FHOD3: variants seen among roughly 807,000 people sequenced by gnomAD.
The protein encoded by FHOD3 is FH1/FH2 domain-containing protein 3.
In FHOD3, 90 loss-of-function variants were observed where a neutral mutation model predicts 173.0. The ratio of observed to expected loss-of-function variants is 0.52; its 90% CI spans 0.44 to 0.62. The LOEUF is 0.62. Ranked by LOEUF, FHOD3 falls within the 20% of genes least tolerant of loss-of-function variation. The probability of loss-of-function intolerance (pLI) is 0.00; values close to 1 mark genes in which losing one functional copy is unlikely to be tolerated. For missense variants in FHOD3, 1,945 were observed against 2,034.7 expected (o/e 0.96, Z 0.85); for synonymous variants, 828 against 823.0 (o/e 1.01, Z -0.10).
intron 14 of FHOD3, among the ~76,000 whole-genome samples, chr18:36,672,293 G>A (rs919174214): frequency 2.0e-5 from 3 of 152,154 alleles, no homozygotes; most frequent in African/African-American, 7.2e-5. Context: ...CCAAAACATG[G>A]TGGTTTAAAA....
chr18:36,550,008 T>A (rs2147306705), intron 5 of FHOD3, among the ~76,000 whole-genome samples: 1 of 151,970 alleles, frequency 6.6e-6, no homozygotes, highest in Non-Finnish European at 1.5e-5. Flanking sequence ...TGTCGTTCAT[T>A]TTTGTTGGCC....
chr18:36,625,729 A>C lies in FHOD3; in HGVS notation c.1176A>C (p.Gln392His), dbSNP rs943103824. Reference sequence around the variant, plus strand: ...CAGCTCCCAGCTTCAAGCCCAACCAAGTGCGAGATCTGCGTGAAAAGTAAG... The same window carrying C: ...CAGCTCCCAGCTTCAAGCCCAACCACGTGCGAGATCTGCGTGAAAAGTAAG... The part of the protein sequence containing the change: ...SQSAPSFKPN[Q>H]VRDLREKEEE... The change falls in exon 10 of 29, where the codon CAA becomes CAC. Residue 392 changes from glutamine to histidine, a missense_variant. Gln to His is a conservative substitution (Grantham distance 24). Around this residue, in one of 5 missense-constraint regions of FHOD3, gnomAD observed 1,099 missense variants for 1,051.2 expected, o/e 1.05. Transcript: ENST00000590592. The C allele has an allele frequency of 1.2e-6, 2 of 1,609,060 alleles. No homozygotes were observed. The highest frequency in any genetic ancestry group is 1.3e-5 in the African/African-American group (1 of 74,848).
chr18:36,690,046 G>A (rs2038864121), intron 16 of FHOD3, among the ~76,000 whole-genome samples: 1 of 152,156 alleles, frequency 6.6e-6, no homozygotes, highest in Admixed American at 6.5e-5. Context: ...CCTGTGAAAA[G>A]AGACTGAGCC....
At chr18:36,764,908 T>C (rs976912219) in intron 27 of FHOD3, among the ~76,000 whole-genome samples, 6 of 152,108 alleles carry the variant, frequency 3.9e-5, no homozygotes, top group African/African-American at 1.4e-4. Flanking sequence ...CAAACTAGAA[T>C]TGGAGGTGAG....
chr18:36,473,725 G>T (rs1427234460), intron 3 of FHOD3, among the ~76,000 whole-genome samples: 1 of 152,198 alleles, frequency 6.6e-6, no homozygotes. Context: ...TGTAAGAAAA[G>T]AAACTGAAAG....
At position 36,595,040 on chromosome 18, in the gene FHOD3, A is replaced by G. The variant is rs115746392; in HGVS notation, c.718+142A>G. The G allele has an allele frequency of 2.4e-3, 1,441 of 595,378 alleles. 13 individuals are homozygous for G. In the African/African-American group the frequency reaches 0.025, roughly 10 times the overall value. The allele number at this position is 595,378 out of a possible 1,614,324, so 36.9% of individuals were successfully genotyped here. On this transcript the variant is annotated intron_variant, in intron 7 of 28. Transcript: ENST00000590592. ...CTTCCCACTGCAAGAAACGTTTTTT[A>G]GGATAGTAAGCACACAAAGCTTAGG...
At chr18:36,603,594 C>G (rs1218704552) in intron 8 of FHOD3, among the ~76,000 whole-genome samples, 1 of 152,028 alleles carries the variant, frequency 6.6e-6, no homozygotes, top group African/African-American at 2.4e-5. Flanking sequence ...GCCTCCACCT[C>G]CCAGGTTCAA....
intron 5 of FHOD3, among the ~76,000 whole-genome samples, chr18:36,556,128 CT>C (rs1382235276): frequency 6.6e-6 from 1 of 151,892 alleles, no homozygotes; most frequent in Non-Finnish European, 1.5e-5. Context: ...CTTTTTCTGC[CT>C]TTTTTTGATT....
intron 1 of FHOD3, among the ~76,000 whole-genome samples, chr18:36,307,695 T>C (rs2092139684): frequency 1.3e-5 from 2 of 152,296 alleles, no homozygotes; most frequent in Admixed American, 1.3e-4. Flanking sequence ...CAGGATGACT[T>C]TGCTGGAGAG....
At chr18:36,609,946 T>C (rs12373187) in intron 8 of FHOD3, among the ~76,000 whole-genome samples, 10,866 of 152,214 alleles carry the variant, frequency 0.071, 564 homozygotes, top group East Asian at 0.27. Flanking sequence ...TTTTAAATTA[T>C]TTACCAGTGA....
At chr18:36,634,923 A>G (rs542899962) in intron 10 of FHOD3, among the ~76,000 whole-genome samples, 6 of 152,228 alleles carry the variant, frequency 3.9e-5, no homozygotes, top group Non-Finnish European at 8.8e-5. Flanking sequence ...CCAGATTAAC[A>G]ACCATTGGTA....
chr18:36,426,098 G>A (rs1458305786), intron 3 of FHOD3, among the ~76,000 whole-genome samples: 3 of 151,798 alleles, frequency 2.0e-5, no homozygotes, highest in African/African-American at 7.3e-5. Flanking sequence ...TGGAGACGGG[G>A]TTTCACCATG....
chr18:36,732,357 T>C (rs992803600), intron 20 of FHOD3, among the ~76,000 whole-genome samples: 1 of 152,184 alleles, frequency 6.6e-6, no homozygotes, highest in African/African-American at 2.4e-5. Context: ...AGAAAACCTA[T>C]ATAAGGCTCA....
At chr18:36,511,745 T>A (rs2055666508) in intron 4 of FHOD3, among the ~76,000 whole-genome samples, 1 of 152,214 alleles carries the variant, frequency 6.6e-6, no homozygotes, top group Non-Finnish European at 1.5e-5. Context: ...CTGATAGGTC[T>A]GGAGACTTCT....
intron 5 of FHOD3, among the ~76,000 whole-genome samples, chr18:36,573,025 T>A (rs1286152065): frequency 6.7e-6 from 1 of 150,356 alleles, no homozygotes; most frequent in Non-Finnish European, 1.5e-5. Context: ...AGCTCTTCCA[T>A]GAGGTAGGGG....
intron 3 of FHOD3, among the ~76,000 whole-genome samples, chr18:36,467,599 G>T (rs2053020681): frequency 6.6e-6 from 1 of 152,114 alleles, no homozygotes; most frequent in South Asian, 2.1e-4. Context: ...TCAAATCCCA[G>T]CTCAGGTGAG....
chr18:36,471,004 G>T (rs2053252559), intron 3 of FHOD3, among the ~76,000 whole-genome samples: 1 of 152,176 alleles, frequency 6.6e-6, no homozygotes, highest in Non-Finnish European at 1.5e-5. Flanking sequence ...GAGACCTCAG[G>T]GCTTTCATTC....
intron 3 of FHOD3, among the ~76,000 whole-genome samples, chr18:36,393,528 T>G (rs1300096825): frequency 6.6e-6 from 1 of 152,140 alleles, no homozygotes; most frequent in Non-Finnish European, 1.5e-5. Flanking sequence ...GTGGTTGCAG[T>G]TGAGAACTGC....
At chr18:36,662,478 C>T (rs1215381890) in intron 14 of FHOD3, among the ~76,000 whole-genome samples, 1 of 152,164 alleles carries the variant, frequency 6.6e-6, no homozygotes, top group Non-Finnish European at 1.5e-5. Context: ...TTCTCTTTTC[C>T]ACTTGTAATA....
Sources: allele counts gnomAD v4.1 joint callset (sites outside exome capture counted in the v4.1 genomes callset), GRCh38; gene constraint gnomAD v4.1.1; regional missense constraint gnomAD v4.1.1; transcripts MANE v1.5; gene names NCBI Gene and HGNC (gene_info 2026-07-23, HGNC 2026-07-21).